Variants in GINS4 observed in about 807,000 individuals in gnomAD.
GINS4 encodes the protein DNA replication complex GINS protein SLD5.
GINS4 carries 20 observed loss-of-function variants against 31.1 expected under a neutral mutation model. The observed-to-expected ratio is 0.64, with a 90% confidence interval of 0.45 to 0.93. The LOEUF (loss-of-function observed/expected upper bound fraction) is 0.93, where lower values mean the gene tolerates loss of function less well. GINS4 is among the 40% of genes least tolerant of loss of function. The pLI, the probability that GINS4 is intolerant of heterozygous loss-of-function variation, is 0.00. For synonymous variants in GINS4, 85 were observed against 97.9 expected, an observed-to-expected ratio of 0.87 and a Z score of 0.78; for missense variants, 245 against 273.9, an observed-to-expected ratio of 0.89 and a Z score of 0.75.
At position 41,530,386 on chromosome 8, in the gene GINS4, C is replaced by T. The variant is rs144024574; in HGVS notation, c.96+88C>T. The T allele has an allele frequency of 3.5e-5, 33 of 940,858 alleles. No individual in the cohort carries two copies. The East Asian group carries it at 4.3e-4, about 12-fold the overall frequency. 58.3% of individuals were successfully genotyped at this position (940,858 alleles called of 1,614,324 possible). A position where few individuals can be genotyped will look rare whatever the true frequency, so the allele number is the denominator to read the frequency against. The stretch of plus-strand genomic sequence containing the variant: ...TATCAGGGATCACAAGATGAGGAAA[C>T]GGAATTTGGGGCTTACTTTAGAACA... On this transcript the variant is annotated intron_variant, in intron 2 of 7. Coordinates refer to ENST00000276533, the MANE Select transcript of GINS4 (RefSeq NM_032336.3).
At position 41,542,207 on chromosome 8, in the gene GINS4, C is replaced by A; in HGVS notation, c.*120C>A. On this transcript the variant is annotated 3_prime_UTR_variant, in exon 8 of 8. Transcript: ENST00000276533. The stretch of plus-strand genomic sequence containing the variant: ...GACCAACCGACCAACATGGTGAAAC[C>A]CCATCTTTACTAAAAATACAAAATA... 2 of 717,370 alleles carry A rather than the reference C, an allele frequency of 2.8e-6. No homozygotes were observed. The highest frequency in any genetic ancestry group is 2.5e-6 in the Non-Finnish European group (1 of 398,170). 44.4% of individuals were successfully genotyped at this position (717,370 alleles called of 1,614,324 possible).
intron 6 of GINS4, 92 bp downstream of exon 6, chr8:41,540,096 A>C (rs1018015354): frequency 1.7e-5 from 16 of 917,672 alleles, no homozygotes; most frequent in Non-Finnish European, 2.8e-5. Context: ...CAAATACAAA[A>C]AAGTAAGTAT....
chr8:41,533,608 G>T (rs1806687176), intron 2 of GINS4, among the ~76,000 whole-genome samples: 1 of 152,194 alleles, frequency 6.6e-6, no homozygotes, highest in South Asian at 2.1e-4. Context: ...AGCCTGACAG[G>T]GCTGCTGATG....
At position 41,543,007 on chromosome 8, in the gene GINS4, G is replaced by A. The variant is rs1704229818; in HGVS notation, c.*920G>A. The A allele has an allele frequency of 6.6e-6, 1 of 152,254 alleles. No homozygotes were observed. Among genetic ancestry groups the A allele is most frequent in the Admixed American group, 6.5e-5 (1 of 15,288 alleles). The allele number at this position is 152,254 out of a possible 1,614,324, so 9.4% of individuals were successfully genotyped here. On this transcript the variant is annotated 3_prime_UTR_variant, in exon 8 of 8. Transcript: ENST00000276533. ...TTCATAAGAAGGCATCACTGCCTGTGATCGGGGCTGCATTTAGCCCTGACC... is the reference window on the plus strand; with the variant it reads ...TTCATAAGAAGGCATCACTGCCTGTAATCGGGGCTGCATTTAGCCCTGACC...
intron 2 of GINS4, among the ~76,000 whole-genome samples, chr8:41,535,371 AAATC>A (rs1418675329): frequency 2.0e-5 from 3 of 152,162 alleles, no homozygotes; most frequent in South Asian, 2.1e-4. Flanking sequence ...TATTTAATAA[AAATC>A]AATCAAAAAG....
At position 41,543,702 on chromosome 8, in the gene GINS4, C is replaced by CT. The variant is rs71546397; in HGVS notation, c.*1627dup. The CT allele has an allele frequency of 0.028, 4,034 of 146,088 alleles. 132 individuals carry two copies. Among genetic ancestry groups the CT allele is most frequent in the African/African-American group, 0.085 (3,407 of 39,900 alleles). 9.0% of individuals were successfully genotyped at this position (146,088 alleles called of 1,614,324 possible). ...ATCAGTAGGGGAAAGCAAGGGAGGT[C>CT]TTTTTTTTTTTTCTTTTTTGAGACG... On this transcript the variant is annotated 3_prime_UTR_variant, in exon 8 of 8. Transcript: ENST00000276533.
intron 4 of GINS4, among the ~76,000 whole-genome samples, chr8:41,538,931 A>G (rs923811064): frequency 1.3e-5 from 2 of 151,532 alleles, no homozygotes; most frequent in African/African-American, 2.4e-5. Flanking sequence ...TCCTGACCTC[A>G]GGTGATCCAC....
rs1183228286 is a variant in GINS4 at position 41,543,550 on chromosome 8, C to T, written c.*1463C>T. ...ATAGGCAGTGAATGAATGATCTTTC[C>T]TTGAAATGCTATAAAAAGCAACCTG... On this transcript the variant is annotated 3_prime_UTR_variant, in exon 8 of 8. Transcript: ENST00000276533. 6.6e-6 allele frequency: 1 copy of T among 152,176 alleles called. No individual in the cohort carries two copies. The highest frequency in any genetic ancestry group is 2.4e-5 in the African/African-American group (1 of 41,426). The allele number at this position is 152,176 out of a possible 1,614,324, so 9.4% of individuals were successfully genotyped here.
chr8:41,543,891 G>C lies in GINS4; in HGVS notation c.*1804G>C, dbSNP rs970621983. On this transcript the variant is annotated 3_prime_UTR_variant, in exon 8 of 8. Transcript: ENST00000276533. ...CAACTAATTTTTTGTATTTTTAGTA[G>C]AGATGGGGTTTCATGATGTTGGCCA... The C allele has an allele frequency of 2.6e-5, 4 of 152,146 alleles. No homozygotes were observed. The highest frequency in any genetic ancestry group is 9.7e-5 in the African/African-American group (4 of 41,404). 9.4% of individuals were successfully genotyped at this position (152,146 alleles called of 1,614,324 possible).
Position 41,542,128 on chromosome 8 carries a change from A to T in GINS4, c.*41A>T, listed in dbSNP as rs748130894. 6.7e-7 allele frequency: 1 copy of T among 1,499,810 alleles called. No homozygotes were observed. The allele number at this position is 1,499,810 out of a possible 1,614,324, so 92.9% of individuals were successfully genotyped here. On this transcript the variant is annotated 3_prime_UTR_variant, in exon 8 of 8. Transcript: ENST00000276533. ...GCCAGGCATGGTGACTCAAGCCTGT[A>T]ATCCCAGCACTTTGGGAGGCCGAGG...
chr8:41,539,961 G>A lies in GINS4; in HGVS notation c.441G>A (p.Lys147=). 1.2e-6 allele frequency: 2 copies of A among 1,614,202 alleles called. No individual in the cohort carries two copies. Among genetic ancestry groups the A allele is most frequent in the Non-Finnish European group, 1.7e-6 (2 of 1,180,032 alleles). The part of the protein sequence containing the change: ...TESYLKNVAL[K]HMPPNLQKVD... Reference sequence around the variant, plus strand: ...CCTATCTGAAAAATGTCGCCTTGAAGCACATGCCCCCTAACTTACAGAAGG... The same window carrying A: ...CCTATCTGAAAAATGTCGCCTTGAAACACATGCCCCCTAACTTACAGAAGG... The change falls in exon 6 of 8, where the codon AAG becomes AAA. Residue 147 remains lysine, a synonymous_variant. Transcript: ENST00000276533.
At chr8:41,535,540 A>G (rs1390420965) in intron 2 of GINS4, among the ~76,000 whole-genome samples, 3 of 152,144 alleles carry the variant, frequency 2.0e-5, no homozygotes, top group Non-Finnish European at 4.4e-5. Flanking sequence ...GCATTTGGTA[A>G]TGTGTCTTGA....
Position 41,537,468 on chromosome 8 carries a change from G to T in GINS4, c.297+175G>T. On this transcript the variant is annotated intron_variant, in intron 4 of 7. Transcript: ENST00000276533. ...GAGAGCGAGAGATTGCTCCACAGAA[G>T]CACAGAGGAACGTGTGTGGCCCACT... 5 of 564,606 alleles carry T rather than the reference G, an allele frequency of 8.9e-6. No individual in the cohort carries two copies. The South Asian group carries it at 1.1e-4, about 12-fold the overall frequency. The allele number at this position is 564,606 out of a possible 1,614,324, so 35.0% of individuals were successfully genotyped here.
chr8:41,530,854 T>C (rs544588670), intron 2 of GINS4, among the ~76,000 whole-genome samples: 1 of 152,360 alleles, frequency 6.6e-6, no homozygotes, highest in East Asian at 1.9e-4. Context: ...TACACTTATA[T>C]CTCATGATGC....
At chr8:41,530,656 A>C (rs1806635991) in intron 2 of GINS4, among the ~76,000 whole-genome samples, 1 of 152,226 alleles carries the variant, frequency 6.6e-6, no homozygotes, top group Non-Finnish European at 1.5e-5. Flanking sequence ...CTGTTTAGCA[A>C]GAAAATGCTG....
intron 4 of GINS4, chr8:41,537,520 C>G: frequency 2.2e-6 from 1 of 460,262 alleles, no homozygotes; most frequent in African/African-American, 1.9e-5. Flanking sequence ...CATTTTTAGT[C>G]TGTTCACCTG....
rs1806852724 is a variant in GINS4, at chr8:41,542,120, A to C, written c.*33A>C. 2 of 1,542,846 alleles carry C rather than the reference A, an allele frequency of 1.3e-6. No homozygotes were observed. Among genetic ancestry groups the C allele is most frequent in the Non-Finnish European group, 1.8e-6 (2 of 1,115,694 alleles). On this transcript the variant is annotated 3_prime_UTR_variant, in exon 8 of 8. Coordinates refer to ENST00000276533, the MANE Select transcript of GINS4 (RefSeq NM_032336.3). ...CATAAACAGCCAGGCATGGTGACTC[A>C]AGCCTGTAATCCCAGCACTTTGGGA...
Position 41,539,603 on chromosome 8 carries a change from C to G in GINS4, c.298-75C>G, listed in dbSNP as rs527951094. On this transcript the variant is annotated intron_variant, in intron 4 of 7. Transcript: ENST00000276533. ...CCTTCCTCGGGAGGGTTGTGTAAACCCTCTTTATGTTAACCACATCCTTCT... is the reference window on the plus strand; with the variant it reads ...CCTTCCTCGGGAGGGTTGTGTAAACGCTCTTTATGTTAACCACATCCTTCT... 60 of 1,069,562 alleles carry G rather than the reference C, an allele frequency of 5.6e-5. No homozygotes were observed. In the African/African-American group the frequency reaches 8.7e-4, roughly 16 times the overall value. The allele number at this position is 1,069,562 out of a possible 1,614,324, so 66.3% of individuals were successfully genotyped here.
At chr8:41,534,915 G>A (rs554636088) in intron 2 of GINS4, among the ~76,000 whole-genome samples, 9 of 152,106 alleles carry the variant, frequency 5.9e-5, no homozygotes, top group East Asian at 3.9e-4. Context: ...TAGTGGAGAC[G>A]GAGTTTCACC....
Sources: allele counts gnomAD v4.1 joint callset (sites outside exome capture counted in the v4.1 genomes callset), GRCh38; gene constraint gnomAD v4.1.1; transcripts MANE v1.5; gene names NCBI Gene and HGNC (gene_info 2026-07-23, HGNC 2026-07-21).